Variants in ESRRG observed in about 807,000 individuals in gnomAD.
ESRRG encodes the protein estrogen-related receptor gamma.
ESRRG carries 13 observed loss-of-function variants against 44.0 expected under a neutral mutation model. The observed-to-expected ratio is 0.30, with a 90% CI of 0.19 to 0.47. The LOEUF (loss-of-function observed/expected upper bound fraction) is 0.47, where lower values mean the gene tolerates loss of function less well. Among genes scored for constraint, ESRRG ranks in the 20% least tolerant of loss-of-function variants. ESRRG has a pLI of 1.00. For missense variants in ESRRG, 395 were observed against 580.6 expected, an observed-to-expected ratio of 0.68 and a Z score of 3.29; for synonymous variants, 215 against 214.6, an observed-to-expected ratio of 1.00 and a Z score of -0.02.
intron 2 of ESRRG, among the ~76,000 whole-genome samples, chr1:216,885,710 A>G (rs2096506681): frequency 6.6e-6 from 1 of 152,050 alleles, no homozygotes. Context: ...ATTCATAGGA[A>G]AGTTTTAAAT....
Position 216,870,321 on chromosome 1 carries a change from G to A in ESRRG, c.-14+69261C>T, listed in dbSNP as rs147589979. On this transcript the variant is annotated intron_variant, in intron 2 of 7. Coordinates refer to the ESRRG transcript ENST00000359162. Reference sequence around the variant, plus strand: ...ATATCGAGACAGCCTTGCAATCCTGGTTTACAAAATAAACCTCACTTTGTT... The same window carrying A: ...ATATCGAGACAGCCTTGCAATCCTGATTTACAAAATAAACCTCACTTTGTT... 6.2e-3 allele frequency among the ~76,000 whole-genome samples: 936 copies of A among 150,760 alleles called. 7 individuals carry two copies. The highest frequency in any genetic ancestry group is 0.01 in the Non-Finnish European group (680 of 67,652).
intron 1 of ESRRG, among the ~76,000 whole-genome samples, chr1:217,046,095 T>A (rs2084829210): frequency 6.6e-6 from 1 of 151,662 alleles, no homozygotes. Flanking sequence ...CCCAAAAGAG[T>A]TAAGGCATGT....
intron 2 of ESRRG, among the ~76,000 whole-genome samples, chr1:216,666,720 C>A (rs1334033450): frequency 6.6e-6 from 1 of 152,162 alleles, no homozygotes; most frequent in Non-Finnish European, 1.5e-5. Flanking sequence ...TCAGCCACAC[C>A]CGCTTCCTGA....
chr1:216,709,502 C>G (rs2083166599), intron 1 of ESRRG, among the ~76,000 whole-genome samples: 2 of 151,884 alleles, frequency 1.3e-5, no homozygotes, highest in African/African-American at 4.8e-5. Flanking sequence ...CTAATATATA[C>G]TAGAATTAGT....
At chr1:216,943,484 C>T (rs983246709) in intron 1 of ESRRG, among the ~76,000 whole-genome samples, 4 of 152,318 alleles carry the variant, frequency 2.6e-5, no homozygotes, top group Admixed American at 2.6e-4. Context: ...CCACTTGGCA[C>T]ATAATATTCC....
At chr1:216,945,086 A>G (rs11572479) in intron 1 of ESRRG, among the ~76,000 whole-genome samples, 4,041 of 152,270 alleles carry the variant, frequency 0.027, 149 homozygotes, top group African/African-American at 0.085. Flanking sequence ...CCCTATCTTT[A>G]ATAAATAGAA....
At chr1:216,932,723 T>G (rs1005027322) in intron 2 of ESRRG, among the ~76,000 whole-genome samples, 1 of 142,938 alleles carries the variant, frequency 7.0e-6, no homozygotes, top group Non-Finnish European at 1.5e-5. Context: ...AAACTTGTTT[T>G]TTTTTTTTTT....
intron 2 of ESRRG, among the ~76,000 whole-genome samples, chr1:216,668,283 T>TAA (rs34024262): frequency 0.71 from 107,667 of 151,760 alleles, 40,250 homozygotes; most frequent in Non-Finnish European, 0.82. Context: ...AGTTGGGCAT[T>TAA]AAGTTTTGTT....
intron 2 of ESRRG, among the ~76,000 whole-genome samples, chr1:216,931,412 C>G (rs2063322633): frequency 2.0e-5 from 3 of 152,070 alleles, no homozygotes; most frequent in African/African-American, 7.2e-5. Context: ...TTCCCTTGAC[C>G]CACACTGAGA....
At chr1:217,118,948 A>ATGCCAC (rs2092777089) in intron 1 of ESRRG, among the ~76,000 whole-genome samples, 2 of 152,068 alleles carry the variant, frequency 1.3e-5, no homozygotes, top group Non-Finnish European at 2.9e-5. Context: ...AGCCATGATC[A>ATGCCAC]TGCCACTGCA....
At chr1:216,565,277 A>G (rs773245331) in intron 4 of ESRRG, among the ~76,000 whole-genome samples, 1 of 152,114 alleles carries the variant, frequency 6.6e-6, no homozygotes, top group African/African-American at 2.4e-5. Context: ...TAACAGAATG[A>G]TTTTTCTTGT....
chr1:216,551,488 CG>C (rs1558438649), intron 5 of ESRRG, among the ~76,000 whole-genome samples: 1 of 151,962 alleles, frequency 6.6e-6, no homozygotes, highest in African/African-American at 2.4e-5. Context: ...CAATATAGTA[CG>C]GTTAGATTTA....
chr1:216,900,883 A>G (rs943358110), intron 2 of ESRRG, among the ~76,000 whole-genome samples: 1 of 152,196 alleles, frequency 6.6e-6, no homozygotes, highest in Non-Finnish European at 1.5e-5. Flanking sequence ...TATGAAGAGA[A>G]ATAGCAGAAG....
At chr1:216,794,684 A>G (rs1223050431) in intron 2 of ESRRG, among the ~76,000 whole-genome samples, 1 of 152,154 alleles carries the variant, frequency 6.6e-6, no homozygotes, top group Admixed American at 6.6e-5. Flanking sequence ...TATTAGAATT[A>G]TTACTCCAGA....
chr1:216,842,019 A>C lies in ESRRG; in HGVS notation c.-14+97563T>G, dbSNP rs139022377. On this transcript the variant is annotated intron_variant, in intron 2 of 7. Coordinates refer to the ESRRG transcript ENST00000359162. Reference sequence around the variant, plus strand: ...AAAATAAGCTTTGGCCATTAAAGAGAATAAAATTAATTGATCTAGAAGCTT... The same window carrying C: ...AAAATAAGCTTTGGCCATTAAAGAGCATAAAATTAATTGATCTAGAAGCTT... 1.9e-3 allele frequency among the ~76,000 whole-genome samples: 294 copies of C among 152,292 alleles called. 3 individuals are homozygous for C. Among genetic ancestry groups the C allele is most frequent in the African/African-American group, 6.7e-3 (278 of 41,562 alleles).
chr1:217,038,790 T>C (rs1278462453), intron 1 of ESRRG, among the ~76,000 whole-genome samples: 1 of 152,258 alleles, frequency 6.6e-6, no homozygotes, highest in Non-Finnish European at 1.5e-5. Flanking sequence ...TATGCAAATT[T>C]CTACAGCTGG....
chr1:216,619,803 G>A (rs533225347), intron 3 of ESRRG, among the ~76,000 whole-genome samples: 2 of 152,184 alleles, frequency 1.3e-5, no homozygotes, highest in African/African-American at 2.4e-5. Context: ...AATAATCCAC[G>A]GAGTACACCC....
At chr1:217,055,872 C>A (rs1221638318) in intron 1 of ESRRG, among the ~76,000 whole-genome samples, 4 of 152,096 alleles carry the variant, frequency 2.6e-5, no homozygotes, top group Admixed American at 6.6e-5. Context: ...GCTGCAATGC[C>A]CTCTCTTTTC....
At chr1:216,760,086 T>C (rs1025067966) in intron 2 of ESRRG, among the ~76,000 whole-genome samples, 5 of 152,050 alleles carry the variant, frequency 3.3e-5, no homozygotes, top group Admixed American at 6.6e-5. Context: ...GTCTTCCACA[T>C]GTCTGTAAGC....
Sources: allele counts gnomAD v4.1 joint callset (sites outside exome capture counted in the v4.1 genomes callset), GRCh38; gene constraint gnomAD v4.1.1; transcripts MANE v1.5; gene names NCBI Gene and HGNC (gene_info 2026-07-23, HGNC 2026-07-21).